Variants in ANKS1B observed in about 807,000 individuals in gnomAD.
ANKS1B encodes the protein ankyrin repeat and sterile alpha motif domain-containing protein 1B.
Under a neutral mutation model 148.3 loss-of-function variants are expected in ANKS1B, and 36 were observed. The observed-to-expected ratio is 0.24, with a 90% CI of 0.19 to 0.32. The LOEUF is 0.32. Among genes scored for constraint, ANKS1B ranks in the 10% least tolerant of loss-of-function variants. ANKS1B has a pLI of 1.00. For synonymous variants in ANKS1B, 542 were observed against 560.8 expected (o/e 0.97, Z 0.47); for missense variants, 1,157 against 1,542.6 (o/e 0.75, Z 4.19).
chr12:99,178,605 C>A (rs1365162681), intron 14 of ANKS1B, among the ~76,000 whole-genome samples: 1 of 152,148 alleles, frequency 6.6e-6, no homozygotes, highest in Non-Finnish European at 1.5e-5. Flanking sequence ...TATAACAATG[C>A]AGGGAATGTT....
chr12:99,498,326 T>C (rs991481222), intron 10 of ANKS1B, among the ~76,000 whole-genome samples: 2 of 152,228 alleles, frequency 1.3e-5, no homozygotes, highest in Non-Finnish European at 1.5e-5. Context: ...TTGTTCTTTA[T>C]GCATTCTACC....
At chr12:99,043,449 C>A (rs183628075) in intron 17 of ANKS1B, among the ~76,000 whole-genome samples, 132 of 152,246 alleles carry the variant, frequency 8.7e-4, no homozygotes, top group African/African-American at 3.0e-3. Flanking sequence ...CAGTTAGTTT[C>A]TGCATTTAAG....
intron 14 of ANKS1B, among the ~76,000 whole-genome samples, chr12:99,213,921 G>C (rs1161980411): frequency 6.6e-6 from 1 of 152,136 alleles, no homozygotes; most frequent in Non-Finnish European, 1.5e-5. Context: ...GTTTTTCATA[G>C]GATTTTAGGG....
chr12:99,448,364 G>T (rs1767578457), intron 10 of ANKS1B, among the ~76,000 whole-genome samples: 1 of 152,112 alleles, frequency 6.6e-6, no homozygotes, highest in African/African-American at 2.4e-5. Context: ...AATGACACGT[G>T]ATCTCACTTA....
chr12:98,740,876 C>G (rs1291308016), downstream of ANKS1B, among the ~76,000 whole-genome samples: 1 of 152,190 alleles, frequency 6.6e-6, no homozygotes, highest in African/African-American at 2.4e-5. Context: ...ATCCTATGGT[C>G]CTTACCATCT....
rs1475016502 is a variant in ANKS1B, at chr12:99,501,221, G to C, written c.1438+3255C>G. Among the ~76,000 whole-genome samples, 3 of 152,000 alleles carry C rather than the reference G, an allele frequency of 2.0e-5. No individual in the cohort carries two copies. In the East Asian group the frequency reaches 5.8e-4, roughly 29 times the overall value. ...TCTACATCTACTAATTCCAGTATTT[G>C]AAAGCACTTAAGGTGTGGATCGGCT... is the stretch of plus-strand genomic sequence containing the variant. On this transcript the variant is annotated intron_variant, in intron 10 of 26. Coordinates refer to ENST00000683438, the MANE Select transcript of ANKS1B (RefSeq NM_001352186.2).
At chr12:99,030,339 G>A (rs1163426306) in intron 17 of ANKS1B, among the ~76,000 whole-genome samples, 2 of 152,150 alleles carry the variant, frequency 1.3e-5, no homozygotes, top group Non-Finnish European at 2.9e-5. Flanking sequence ...TACATACCCT[G>A]GTTCTAAGCT....
At chr12:99,124,428 G>GTGTGTGTGTT (rs1486198826) in intron 15 of ANKS1B, among the ~76,000 whole-genome samples, 1 of 152,004 alleles carries the variant, frequency 6.6e-6, no homozygotes, top group African/African-American at 2.4e-5. Context: ...ATGTGTGTGT[G>GTGTGTGTGTT]TGTGTGTATG....
At chr12:99,215,254 G>A (rs534285786) in intron 14 of ANKS1B, among the ~76,000 whole-genome samples, 19 of 152,168 alleles carry the variant, frequency 1.2e-4, no homozygotes, top group African/African-American at 1.7e-4. Flanking sequence ...GAGGATTTAC[G>A]GAAATACTTG....
chr12:98,782,038 A>G (rs2098742037), intron 23 of ANKS1B, 88 bp downstream of exon 23: 1 of 1,133,334 alleles, frequency 8.8e-7, no homozygotes, highest in South Asian at 1.4e-5. Flanking sequence ...TAGCTTTATC[A>G]TTCATCACCA....
chr12:99,001,122 C>G (rs1300894558), intron 17 of ANKS1B, among the ~76,000 whole-genome samples: 2 of 151,716 alleles, frequency 1.3e-5, no homozygotes, highest in Admixed American at 1.3e-4. Flanking sequence ...TTCTGAGATC[C>G]TGATTTTAGT....
intron 17 of ANKS1B, among the ~76,000 whole-genome samples, chr12:98,960,250 G>A (rs1203345878): frequency 6.6e-6 from 1 of 152,180 alleles, no homozygotes; most frequent in Non-Finnish European, 1.5e-5. Context: ...GTGCTTGTGT[G>A]ATCCCACCCA....
intron 17 of ANKS1B, among the ~76,000 whole-genome samples, chr12:98,978,938 T>C (rs1013889851): frequency 1.8e-4 from 27 of 151,902 alleles, no homozygotes; most frequent in East Asian, 2.0e-4. Flanking sequence ...GGTCAGGAGA[T>C]TGAGAACATC....
chr12:99,510,992 C>T (rs188780615), intron 9 of ANKS1B, among the ~76,000 whole-genome samples: 1 of 151,978 alleles, frequency 6.6e-6, no homozygotes, highest in Admixed American at 6.6e-5. Context: ...GACTTCTTCT[C>T]TTCCTATTTG....
intron 1 of ANKS1B, among the ~76,000 whole-genome samples, chr12:99,868,387 T>G (rs907941264): frequency 3.9e-4 from 60 of 152,278 alleles, no homozygotes; most frequent in African/African-American, 1.4e-3. Context: ...TACTTAATTA[T>G]GAAATAATAA....
intron 12 of ANKS1B, among the ~76,000 whole-genome samples, chr12:99,300,015 G>C (rs2081395111): frequency 6.6e-6 from 1 of 152,038 alleles, no homozygotes; most frequent in East Asian, 1.9e-4. Context: ...ATCAATTTTG[G>C]GACAAGCCAC....
At chr12:98,984,000 G>A (rs2153232948) in intron 17 of ANKS1B, among the ~76,000 whole-genome samples, 1 of 152,238 alleles carries the variant, frequency 6.6e-6, no homozygotes, top group African/African-American at 2.4e-5. Context: ...GTCCCTTTTG[G>A]TCCAGCTGGT....
intron 12 of ANKS1B, among the ~76,000 whole-genome samples, chr12:99,391,540 C>G (rs1018782760): frequency 2.6e-5 from 4 of 152,150 alleles, no homozygotes; most frequent in Admixed American, 6.5e-5. Flanking sequence ...TGAGATCAGT[C>G]ACCCCCTTGA....
Position 99,385,941 on chromosome 12 carries a change from C to T in ANKS1B, c.1756+13690G>A, listed in dbSNP as rs550122121. 7.9e-5 allele frequency among the ~76,000 whole-genome samples: 12 copies of T among 152,172 alleles called. No homozygotes were observed. The South Asian group carries it at 1.2e-3, about 16-fold the overall frequency. On this transcript the variant is annotated intron_variant, in intron 12 of 26. Coordinates refer to ENST00000683438, the MANE Select transcript of ANKS1B (RefSeq NM_001352186.2). ...TGTCAAAATGCTAATCACTAGGAACCGAGAGGTTTGTTTAGTTAATAGTGC... is the reference window on the plus strand; with the variant it reads ...TGTCAAAATGCTAATCACTAGGAACTGAGAGGTTTGTTTAGTTAATAGTGC...
Sources: allele counts gnomAD v4.1 joint callset (sites outside exome capture counted in the v4.1 genomes callset), GRCh38; gene constraint gnomAD v4.1.1; transcripts MANE v1.5; gene names NCBI Gene and HGNC (gene_info 2026-07-23, HGNC 2026-07-21).